The following ADGRA1 variants were observed in gnomAD, a reference collection of about 807,000 sequenced individuals.
The protein encoded by ADGRA1 is adhesion G protein-coupled receptor A1, also known as G-protein coupled receptor 123.
In ADGRA1, 12 loss-of-function variants were observed where a neutral mutation model predicts 21.3. That is an observed-to-expected ratio of 0.56 (90% CI 0.36 to 0.91). The LOEUF is 0.91. Among genes scored for constraint, ADGRA1 ranks in the 40% least tolerant of loss-of-function variants. The probability of loss-of-function intolerance (pLI) is 0.01; values close to 1 mark genes in which losing one functional copy is unlikely to be tolerated. For missense variants in ADGRA1, 790 were observed against 805.6 expected, an observed-to-expected ratio of 0.98 and a Z score of 0.23; for synonymous variants, 385 against 368.8, an observed-to-expected ratio of 1.04 and a Z score of -0.50.
chr10:133,114,720 G>A (rs1014107699), intron 5 of ADGRA1, among the ~76,000 whole-genome samples: 1 of 152,196 alleles, frequency 6.6e-6, no homozygotes, highest in Admixed American at 6.5e-5. Flanking sequence ...AGAAGTCACG[G>A]TTAACTCAAA....
At chr10:133,102,387 G>C in intron 4 of ADGRA1, 1 of 535,430 alleles carries the variant, frequency 1.9e-6, no homozygotes, top group Non-Finnish European at 3.6e-6. Flanking sequence ...TCCGTGCCTG[G>C]GCCACAGGGA....
chr10:133,092,405 T>C (rs1302321934), intron 2 of ADGRA1, among the ~76,000 whole-genome samples: 1 of 152,138 alleles, frequency 6.6e-6, no homozygotes, highest in Non-Finnish European at 1.5e-5. Flanking sequence ...AACACTTTTT[T>C]CCCAAATCTC....
intron 5 of ADGRA1, among the ~76,000 whole-genome samples, chr10:133,115,673 G>C (rs10776695): frequency 0.19 from 28,893 of 152,130 alleles, 3,419 homozygotes; most frequent in East Asian, 0.57. Flanking sequence ...GCACAGCCGA[G>C]GGTCGGCCGA....
intron 2 of ADGRA1, among the ~76,000 whole-genome samples, chr10:133,093,510 C>T (rs138988132): frequency 6.9e-4 from 105 of 152,330 alleles, no homozygotes; most frequent in African/African-American, 1.8e-3. Context: ...GCTCCGAGGC[C>T]GGCAGATGGG....
intron 5 of ADGRA1, among the ~76,000 whole-genome samples, chr10:133,122,273 T>A (rs1348155270): frequency 6.6e-6 from 1 of 152,230 alleles, no homozygotes; most frequent in Admixed American, 6.5e-5. Flanking sequence ...GTGTGCAGCA[T>A]CAGCCATGGC....
intron 5 of ADGRA1, among the ~76,000 whole-genome samples, chr10:133,121,690 GC>G (rs1242686907): frequency 6.7e-6 from 1 of 150,276 alleles, no homozygotes; most frequent in Non-Finnish European, 1.5e-5. Flanking sequence ...GCATGTGAGT[GC>G]CTGTGCATGT....
At chr10:133,106,610 A>C (rs1456814280) in intron 5 of ADGRA1, among the ~76,000 whole-genome samples, 1 of 152,242 alleles carries the variant, frequency 6.6e-6, no homozygotes, top group African/African-American at 2.4e-5. Context: ...AGGGGACTGG[A>C]GAGCCCCCAG....
At chr10:133,111,969 CACCACAGGCACCTCCCTCCTAAT>C (rs1852032521) in intron 5 of ADGRA1, among the ~76,000 whole-genome samples, 4 of 71,814 alleles carry the variant, frequency 5.6e-5, no homozygotes, top group Middle Eastern at 7.8e-3. Context: ...ACCACCTGCC[CACCACAGGCACCTCCCTCCTAAT>C]GCCTCCAGAC....
At chr10:133,126,867 C>T (rs1852384116) in intron 5 of ADGRA1, among the ~76,000 whole-genome samples, 1 of 152,170 alleles carries the variant, frequency 6.6e-6, no homozygotes, top group Non-Finnish European at 1.5e-5. Flanking sequence ...ACCTGGGGAC[C>T]CGGTGGGACG....
intron 4 of ADGRA1, among the ~76,000 whole-genome samples, chr10:133,101,086 A>G (rs1202489796): frequency 2.6e-5 from 4 of 152,324 alleles, no homozygotes; most frequent in African/African-American, 9.6e-5. Context: ...GCCTCCGGGT[A>G]AGGAGGAGAA....
At position 133,088,880 on chromosome 10, in the gene ADGRA1, C is replaced by G. The variant is rs767712713; in HGVS notation, c.-30C>G. On this transcript the variant is annotated 5_prime_UTR_variant, in exon 2 of 7. Coordinates refer to ENST00000392607, the MANE Select transcript of ADGRA1 (RefSeq NM_001083909.3). ...TCCCCCTGGACGCCTCCTCCAGCGGCGCTCACGCTTCCGCAACTTTGCAGC... is the reference window on the plus strand; with the variant it reads ...TCCCCCTGGACGCCTCCTCCAGCGGGGCTCACGCTTCCGCAACTTTGCAGC... 8.1e-7 allele frequency: 1 copy of G among 1,238,914 alleles called. No homozygotes were observed. The highest frequency in any genetic ancestry group is 1.0e-6 in the Non-Finnish European group (1 of 988,588). The allele number at this position is 1,238,914 out of a possible 1,614,324, so 76.7% of individuals were successfully genotyped here.
At chr10:133,101,910 A>C (rs374026272) in intron 4 of ADGRA1, among the ~76,000 whole-genome samples, 1 of 152,192 alleles carries the variant, frequency 6.6e-6, no homozygotes. Flanking sequence ...ATTACTGCAG[A>C]GCCTCCTCAT....
chr10:133,095,525 C>A, intron 2 of ADGRA1: 1 of 1,158,846 alleles, frequency 8.6e-7, no homozygotes, highest in Non-Finnish European at 1.2e-6. Flanking sequence ...CGCCCTCGCA[C>A]AGGTCCAGGC....
At chr10:133,121,875 G>A (rs987097183) in intron 5 of ADGRA1, among the ~76,000 whole-genome samples, 9 of 149,744 alleles carry the variant, frequency 6.0e-5, no homozygotes, top group Non-Finnish European at 1.2e-4. Flanking sequence ...GCCTGTGTGT[G>A]GTGTGTGCCA....
chr10:133,121,421 T>C (rs562750697), intron 5 of ADGRA1, among the ~76,000 whole-genome samples: 1 of 143,790 alleles, frequency 7.0e-6, no homozygotes, highest in Non-Finnish European at 1.5e-5. Context: ...TGCATGTGTG[T>C]GGTGTGTCAG....
At position 133,129,759 on chromosome 10, in the gene ADGRA1, A is replaced by G. The variant is rs747295439; in HGVS notation, c.*248A>G. On this transcript the variant is annotated 3_prime_UTR_variant, in exon 7 of 7. Transcript: ENST00000392607. ...CGGGGAAACGCTCCGGGCCACGCCCACTCCCCTTATCCCAATTCCGCGTGC... is the reference window on the plus strand; with the variant it reads ...CGGGGAAACGCTCCGGGCCACGCCCGCTCCCCTTATCCCAATTCCGCGTGC... 1 of 431,734 alleles carries G rather than the reference A, an allele frequency of 2.3e-6. No homozygotes were observed. The highest frequency in any genetic ancestry group is 4.2e-6 in the Non-Finnish European group (1 of 235,590). The allele number at this position is 431,734 out of a possible 1,614,324, so 26.7% of individuals were successfully genotyped here.
intron 2 of ADGRA1, among the ~76,000 whole-genome samples, chr10:133,091,240 C>T (rs570973634): frequency 4.9e-4 from 75 of 152,276 alleles, no homozygotes; most frequent in Non-Finnish European, 8.8e-4. Context: ...CCTGGGGCTG[C>T]GCTGGGTGTG....
chr10:133,104,830 G>A (rs1055171175), intron 5 of ADGRA1, among the ~76,000 whole-genome samples: 47 of 152,136 alleles, frequency 3.1e-4, no homozygotes, highest in African/African-American at 1.1e-3. Flanking sequence ...GGGCTTTGCC[G>A]AGGGCCTGCC....
At chr10:133,106,778 C>G (rs1231165069) in intron 5 of ADGRA1, among the ~76,000 whole-genome samples, 2 of 152,222 alleles carry the variant, frequency 1.3e-5, no homozygotes, top group Non-Finnish European at 2.9e-5. Context: ...GGCCAAAGAC[C>G]CTCACAGATA....
Sources: allele counts gnomAD v4.1 joint callset (sites outside exome capture counted in the v4.1 genomes callset), GRCh38; gene constraint gnomAD v4.1.1; transcripts MANE v1.5; gene names NCBI Gene and HGNC (gene_info 2026-07-23, HGNC 2026-07-21).